MEIS2: variants seen among roughly 807,000 people sequenced by gnomAD.
The protein encoded by MEIS2 is homeobox protein Meis2.
A neutral mutation model predicts 58.6 loss-of-function variants in MEIS2; 9 were observed. The observed-to-expected ratio is 0.15, with a 90% CI of 0.09 to 0.27. The LOEUF (loss-of-function observed/expected upper bound fraction) is 0.27. Ranked by LOEUF, MEIS2 falls within the 10% of genes least tolerant of loss-of-function variation. MEIS2 has a pLI of 1.00. For missense variants in MEIS2, 427 were observed against 635.0 expected, an observed-to-expected ratio of 0.67 and a Z score of 3.52; for synonymous variants, 221 against 228.4, an observed-to-expected ratio of 0.97 and a Z score of 0.29.
chr15:37,096,239 G>T, intron 3 of MEIS2, 50 bp downstream of exon 3: 1 of 1,515,884 alleles, frequency 6.6e-7, no homozygotes. Context: ...GAGGAAAGGG[G>T]AGGGGTAGTG....
At chr15:37,042,560 C>T (rs1210440477) in intron 7 of MEIS2, among the ~76,000 whole-genome samples, 1 of 152,218 alleles carries the variant, frequency 6.6e-6, no homozygotes, top group Non-Finnish European at 1.5e-5. Context: ...CACATTAACA[C>T]TGTAAATTAT....
At chr15:36,995,976 T>G (rs1289655372) in intron 8 of MEIS2, among the ~76,000 whole-genome samples, 14 of 16,610 alleles carry the variant, frequency 8.4e-4, no homozygotes, top group Non-Finnish European at 1.3e-3. Context: ...TATATATATA[T>G]ATATATATAT....
intron 9 of MEIS2, among the ~76,000 whole-genome samples, chr15:36,904,883 A>G (rs2056654047): frequency 6.6e-6 from 1 of 152,234 alleles, no homozygotes; most frequent in Admixed American, 6.5e-5. Flanking sequence ...CTTGCTAAGA[A>G]TTAAACTGGT....
intron 8 of MEIS2, among the ~76,000 whole-genome samples, chr15:36,971,537 TAAAAAAA>T (rs71126247): frequency 4.5e-5 from 3 of 67,114 alleles, no homozygotes; most frequent in African/African-American, 2.1e-4. Context: ...CTTGTTACAT[TAAAAAAA>T]AAAAAAAAAA....
intron 7 of MEIS2, among the ~76,000 whole-genome samples, chr15:37,065,272 G>T (rs1433011498): frequency 6.6e-6 from 1 of 152,120 alleles, no homozygotes; most frequent in Admixed American, 6.6e-5. Flanking sequence ...CACTACTATA[G>T]GCACTGAGAT....
At chr15:37,001,605 C>A (rs528041297) in intron 8 of MEIS2, among the ~76,000 whole-genome samples, 16 of 152,272 alleles carry the variant, frequency 1.1e-4, no homozygotes, top group African/African-American at 3.6e-4. Context: ...TACTTATCTC[C>A]TCACTTCCAT....
rs137998517 is a variant in MEIS2 at position 37,085,362 on chromosome 15, T to G, written c.640-1477A>C. 9.8e-5 allele frequency among the ~76,000 whole-genome samples: 15 copies of G among 152,320 alleles called. No individual in the cohort carries two copies. The East Asian group carries it at 2.9e-3, about 29-fold the overall frequency. On this transcript the variant is annotated intron_variant, in intron 6 of 11. Transcript: ENST00000561208. Reference sequence around the variant, plus strand: ...CAAGAAAAGAAGTCAGTCTGTCATTTTTCTCAGCATCAACTCTACAGTGTA... The same window carrying G: ...CAAGAAAAGAAGTCAGTCTGTCATTGTTCTCAGCATCAACTCTACAGTGTA...
chr15:36,972,417 T>C (rs2059600275), intron 8 of MEIS2, among the ~76,000 whole-genome samples: 2 of 152,132 alleles, frequency 1.3e-5, no homozygotes, highest in African/African-American at 4.8e-5. Context: ...TTTCCATTAT[T>C]TTCAGGCTGA....
chr15:36,911,969 G>C (rs1022760715), intron 9 of MEIS2, among the ~76,000 whole-genome samples: 7 of 152,268 alleles, frequency 4.6e-5, no homozygotes, highest in Admixed American at 1.3e-4. Flanking sequence ...AGCAGTACAG[G>C]ACTCGTTCTG....
At chr15:37,078,522 G>C (rs1301957890) in intron 7 of MEIS2, among the ~76,000 whole-genome samples, 1 of 20,066 alleles carries the variant, frequency 5.0e-5, no homozygotes, top group Non-Finnish European at 1.2e-4. Context: ...TATTTCACCA[G>C]AGTTTTAAAA....
intron 8 of MEIS2, among the ~76,000 whole-genome samples, chr15:37,032,223 G>C (rs1014398009): frequency 3.3e-5 from 5 of 152,132 alleles, no homozygotes; most frequent in Non-Finnish European, 5.9e-5. Context: ...GCCAGAAACT[G>C]GTATGAGCAA....
At chr15:36,925,009 C>T (rs2057684883) in intron 9 of MEIS2, among the ~76,000 whole-genome samples, 1 of 152,096 alleles carries the variant, frequency 6.6e-6, no homozygotes, top group Non-Finnish European at 1.5e-5. Context: ...ACTGCAAGAC[C>T]GCCCGGGCAG....
chr15:36,983,397 G>A (rs2059992846), intron 8 of MEIS2, among the ~76,000 whole-genome samples: 2 of 152,060 alleles, frequency 1.3e-5, no homozygotes, highest in Admixed American at 1.3e-4. Context: ...ATTTATTGAA[G>A]ACACTATATT....
intron 8 of MEIS2, among the ~76,000 whole-genome samples, chr15:36,998,960 G>A (rs2060628471): frequency 1.3e-5 from 2 of 152,208 alleles, no homozygotes; most frequent in Non-Finnish European, 2.9e-5. Context: ...CCATTCTTCT[G>A]TGCTCTTTCT....
At chr15:36,971,105 G>C (rs181616575) in intron 8 of MEIS2, among the ~76,000 whole-genome samples, 20 of 151,828 alleles carry the variant, frequency 1.3e-4, no homozygotes, top group Non-Finnish European at 2.4e-4. Context: ...GGTGGGCTTG[G>C]GGGGGTGGGG....
At chr15:37,096,964 C>A (rs1228006356) in intron 2 of MEIS2, among the ~76,000 whole-genome samples, 2 of 152,242 alleles carry the variant, frequency 1.3e-5, no homozygotes, top group African/African-American at 4.8e-5. Context: ...CTTTTAATCT[C>A]TCCACCTCCT....
At chr15:36,900,918 A>G (rs900846127) in intron 9 of MEIS2, 1 of 152,174 alleles carries the variant, frequency 6.6e-6, no homozygotes, top group Non-Finnish European at 1.5e-5. Flanking sequence ...TTTCTGGTTC[A>G]CTAACTTCAT....
chr15:36,982,152 C>G (rs893401744), intron 8 of MEIS2, among the ~76,000 whole-genome samples: 21 of 152,210 alleles, frequency 1.4e-4, no homozygotes, highest in African/African-American at 4.1e-4. Flanking sequence ...ATATATATAT[C>G]TCTCTATATC....
rs1344208244 is a variant in MEIS2, at chr15:37,032,804, G to A, written c.900+4010C>T. 4.6e-5 allele frequency among the ~76,000 whole-genome samples: 7 copies of A among 151,942 alleles called. No homozygotes were observed. In the East Asian group the frequency reaches 1.2e-3, roughly 25 times the overall value. On this transcript the variant is annotated intron_variant, in intron 8 of 11. Coordinates refer to ENST00000561208, the MANE Select transcript of MEIS2 (RefSeq NM_170675.5). Reference sequence around the variant, plus strand: ...GGGCATTTTGAAAATAGGGTAGTTCGAAACAAAAAAATTGAGGCTAATTAT... The same window carrying A: ...GGGCATTTTGAAAATAGGGTAGTTCAAAACAAAAAAATTGAGGCTAATTAT...
Sources: gnomAD v4.1 joint callset for allele counts (sites outside exome capture counted in the v4.1 genomes callset) on GRCh38, gnomAD v4.1.1 for gene constraint, MANE v1.5 for transcripts, NCBI Gene and HGNC (gene_info 2026-07-23, HGNC 2026-07-21) for gene names.